The following ANK3 variants were observed in gnomAD, a reference collection of about 807,000 sequenced individuals.
The protein encoded by ANK3 is ankyrin 3.
Under a neutral mutation model 370.9 loss-of-function variants are expected in ANK3, and 57 were observed. That is an observed-to-expected ratio of 0.15 (90% CI 0.12 to 0.19). The LOEUF is 0.19. Ranked by LOEUF, ANK3 falls within the 10% of genes least tolerant of loss-of-function variation. The probability of loss-of-function intolerance (pLI) is 1.00; values close to 1 mark genes in which losing one functional copy is unlikely to be tolerated. For synonymous variants in ANK3, 1,929 were observed against 1,946.3 expected (o/e 0.99, Z 0.23); for missense variants, 4,439 against 5,302.1 (o/e 0.84, Z 5.06).
At chr10:60,124,216 G>A (rs1217160684) in intron 25 of ANK3, among the ~76,000 whole-genome samples, 1 of 152,158 alleles carries the variant, frequency 6.6e-6, no homozygotes, top group Non-Finnish European at 1.5e-5. Context: ...CAAGTGCAGT[G>A]GCGCTATCTG....
intron 1 of ANK3, chr10:60,685,104 G>A: frequency 2.8e-6 from 3 of 1,076,168 alleles, no homozygotes; most frequent in South Asian, 1.4e-5. Flanking sequence ...ATATCTGTGT[G>A]GAGGAGGTTT....
At chr10:60,697,352 C>T (rs1303102550) in intron 1 of ANK3, among the ~76,000 whole-genome samples, 1 of 151,840 alleles carries the variant, frequency 6.6e-6, no homozygotes, top group Non-Finnish European at 1.5e-5. Flanking sequence ...AAATTCAATG[C>T]CATCCCCATC....
intron 2 of ANK3, among the ~76,000 whole-genome samples, chr10:60,531,865 A>G (rs2076613568): frequency 6.6e-6 from 1 of 152,086 alleles, no homozygotes; most frequent in Non-Finnish European, 1.5e-5. Context: ...TCTTGAAAAG[A>G]TATCTCTAGG....
chr10:60,267,644 A>G (rs758050938), intron 5 of ANK3, among the ~76,000 whole-genome samples: 1 of 152,122 alleles, frequency 6.6e-6, no homozygotes, highest in African/African-American at 2.4e-5. Flanking sequence ...TTTAAAAAGT[A>G]CTAGAGAGCT....
intron 1 of ANK3, among the ~76,000 whole-genome samples, chr10:60,361,065 C>A (rs2058529395): frequency 2.0e-5 from 3 of 152,130 alleles, no homozygotes; most frequent in Admixed American, 2.0e-4. Flanking sequence ...AAAACTCATG[C>A]AGGTTTTTAT....
Position 60,141,659 on chromosome 10 carries a change from G to A in ANK3, c.2615-2572C>T, listed in dbSNP as rs115547829. 8.1e-3 allele frequency among the ~76,000 whole-genome samples: 1,011 copies of A among 124,162 alleles called. 11 individuals are homozygous for A. Among genetic ancestry groups the A allele is most frequent in the African/African-American group, 0.029 (962 of 32,632 alleles). 81.5% of individuals were successfully genotyped at this position (124,162 alleles called of 152,430 possible). On this transcript the variant is annotated intron_variant, in intron 23 of 43. Transcript: ENST00000280772. ...CTCAAAAGTAAAGGGTTTAGAAACT[G>A]TCTTGCTGAAGTAAGCAGTCTTTTA...
At chr10:60,244,944 C>A (rs1046390534) in intron 7 of ANK3, among the ~76,000 whole-genome samples, 3 of 151,970 alleles carry the variant, frequency 2.0e-5, no homozygotes, top group South Asian at 2.1e-4. Flanking sequence ...CCGAGGCGGG[C>A]GGATCATGAG....
chr10:60,656,356 CTCTT>C (rs2078863523), intron 1 of ANK3, among the ~76,000 whole-genome samples: 2 of 151,864 alleles, frequency 1.3e-5, no homozygotes. Flanking sequence ...TTGTTATTCT[CTCTT>C]TATTTTGTGA....
intron 23 of ANK3, chr10:60,140,221 G>A: frequency 1.0e-5 from 10 of 989,986 alleles, no homozygotes; most frequent in South Asian, 1.0e-4. Flanking sequence ...AAACTAAACA[G>A]ATCAACTTTC....
chr10:60,259,364 C>A (rs1241599602), intron 7 of ANK3, among the ~76,000 whole-genome samples: 1 of 152,136 alleles, frequency 6.6e-6, no homozygotes, highest in Admixed American at 6.6e-5. Context: ...TCCACCACAG[C>A]CTTCAGCTCA....
chr10:60,175,535 T>A (rs1419108258), intron 18 of ANK3, among the ~76,000 whole-genome samples: 2 of 152,200 alleles, frequency 1.3e-5, no homozygotes, highest in Non-Finnish European at 2.9e-5. Flanking sequence ...ACTGATAACA[T>A]CATTACAAGC....
chr10:60,456,053 A>G (rs997863137), intron 2 of ANK3, among the ~76,000 whole-genome samples: 26 of 152,248 alleles, frequency 1.7e-4, no homozygotes, highest in African/African-American at 6.3e-4. Context: ...TCATTTTTAA[A>G]GTAAATGTCA....
chr10:60,458,770 G>C (rs953334607), intron 2 of ANK3, among the ~76,000 whole-genome samples: 1 of 152,138 alleles, frequency 6.6e-6, no homozygotes, highest in African/African-American at 2.4e-5. Flanking sequence ...AGATTTACAT[G>C]AGGCTCCCAA....
At chr10:60,033,019 T>C (rs1446838206) in intron 43 of ANK3, among the ~76,000 whole-genome samples, 9 of 152,098 alleles carry the variant, frequency 5.9e-5, no homozygotes, top group African/African-American at 1.2e-4. Context: ...ATTTCAGAAA[T>C]AGAATTTTGA....
At chr10:60,168,935 C>T (rs1591170925) in intron 21 of ANK3, among the ~76,000 whole-genome samples, 1 of 152,174 alleles carries the variant, frequency 6.6e-6, no homozygotes, top group Non-Finnish European at 1.5e-5. Context: ...TTTCTTTATC[C>T]AGTCTATCAT....
At chr10:60,221,246 A>T (rs529394257) in intron 8 of ANK3, among the ~76,000 whole-genome samples, 18 of 151,722 alleles carry the variant, frequency 1.2e-4, no homozygotes, top group Non-Finnish European at 1.8e-4. Context: ...CGCCTGGCTA[A>T]TTTTTGTATT....
At chr10:60,132,439 C>A (rs975947188) in intron 25 of ANK3, among the ~76,000 whole-genome samples, 1 of 150,928 alleles carries the variant, frequency 6.6e-6, no homozygotes, top group African/African-American at 2.4e-5. Context: ...AGTTACCCTG[C>A]ACAAATTCTC....
At chr10:60,089,024 C>A (rs1347079672) in intron 28 of ANK3, among the ~76,000 whole-genome samples, 2 of 152,100 alleles carry the variant, frequency 1.3e-5, no homozygotes, top group Non-Finnish European at 2.9e-5. Context: ...AAAGTGAGGC[C>A]TCATAAGAAA....
intron 2 of ANK3, among the ~76,000 whole-genome samples, chr10:60,513,612 T>C (rs920064110): frequency 2.0e-5 from 3 of 152,164 alleles, no homozygotes; most frequent in Non-Finnish European, 4.4e-5. Context: ...GAAAGTCTTA[T>C]GGCTTCAATT....
Sources: gnomAD v4.1 joint callset for allele counts (sites outside exome capture counted in the v4.1 genomes callset) on GRCh38, gnomAD v4.1.1 for gene constraint, MANE v1.5 for transcripts, NCBI Gene and HGNC (gene_info 2026-07-23, HGNC 2026-07-21) for gene names.